Variants in WDR88 observed in about 807,000 individuals in gnomAD.
WDR88 encodes the protein WD repeat domain 88, also known as WD repeat-containing protein 88.
Under a neutral mutation model 46.8 loss-of-function variants are expected in WDR88, and 40 were observed. The observed-to-expected ratio is 0.86, with a 90% CI of 0.66 to 1.11. The LOEUF (loss-of-function observed/expected upper bound fraction) is 1.11. Among genes scored for constraint, WDR88 ranks in the 50% most tolerant of loss-of-function variants. The pLI, the probability that WDR88 is intolerant of heterozygous loss-of-function variation, is 0.00. For synonymous variants in WDR88, 235 were observed against 240.7 expected, an observed-to-expected ratio of 0.98 and a Z score of 0.22; for missense variants, 562 against 602.4, an observed-to-expected ratio of 0.93 and a Z score of 0.70.
At chr19:33,160,294 G>T in intron 7 of WDR88, 120 bp from the exon 8 acceptor site, 1 of 943,244 alleles carries the variant, frequency 1.1e-6, no homozygotes, top group South Asian at 1.3e-5. Context: ...TCCAGGAAGG[G>T]GTTTCAGTGT....
chr19:33,161,191 CA>C (rs1205568590), intron 8 of WDR88, among the ~76,000 whole-genome samples: 2 of 151,954 alleles, frequency 1.3e-5, no homozygotes, highest in East Asian at 3.9e-4. Flanking sequence ...CAAAACAAAA[CA>C]AAAAACAGAA....
chr19:33,153,082 G>A (rs968673133), intron 6 of WDR88, among the ~76,000 whole-genome samples: 6 of 151,884 alleles, frequency 4.0e-5, no homozygotes, highest in African/African-American at 1.5e-4. Context: ...ACAGAGTCTT[G>A]CTCTGTTGCC....
Position 33,172,347 on chromosome 19 carries a change from G to A in WDR88, c.1150-1G>A. On this transcript the variant is annotated splice_acceptor_variant, in intron 9 of 10. Transcript: ENST00000355868. LOFTEE classifies it high-confidence loss of function. ...GACCGCTGGTTTGCTATTTGTTTTAGGATAGGACCATGAGACTGTGGAATA... is the reference window on the plus strand; with the variant it reads ...GACCGCTGGTTTGCTATTTGTTTTAAGATAGGACCATGAGACTGTGGAATA... 5 of 1,612,754 alleles carry A rather than the reference G, an allele frequency of 3.1e-6. No homozygotes were observed. The highest frequency in any genetic ancestry group is 4.2e-6 in the Non-Finnish European group (5 of 1,179,378).
At chr19:33,141,469 G>A (rs552346203) in intron 2 of WDR88, among the ~76,000 whole-genome samples, 2 of 152,028 alleles carry the variant, frequency 1.3e-5, no homozygotes, top group South Asian at 2.1e-4. Flanking sequence ...GCCTCAAGCC[G>A]TCCTTCCTCC....
chr19:33,146,132 T>G (rs1020200298), intron 3 of WDR88, among the ~76,000 whole-genome samples: 1 of 152,062 alleles, frequency 6.6e-6, no homozygotes, highest in African/African-American at 2.4e-5. Flanking sequence ...CCCCGGTCTC[T>G]ACTAAAAATA....
At chr19:33,166,357 A>C (rs1450238275) in intron 9 of WDR88, among the ~76,000 whole-genome samples, 1 of 151,376 alleles carries the variant, frequency 6.6e-6, no homozygotes, top group Non-Finnish European at 1.5e-5. Flanking sequence ...TGGGAGGCCA[A>C]GGCAGGCAGA....
chr19:33,175,019 G>A (rs764921612), intron 10 of WDR88: 130 of 984,758 alleles, frequency 1.3e-4, no homozygotes, highest in Non-Finnish European at 1.6e-4. Flanking sequence ...TGGATCACTT[G>A]AGGCCAGGAG....
Position 33,147,715 on chromosome 19 carries a change from A to C in WDR88, c.540+7A>C, listed in dbSNP as rs375967910. 9 of 1,613,572 alleles carry C rather than the reference A, an allele frequency of 5.6e-6. No homozygotes were observed. The highest frequency in any genetic ancestry group is 7.6e-6 in the Non-Finnish European group (9 of 1,179,722). On this transcript the variant is annotated splice_region_variant and intron_variant, in intron 4 of 10. Coordinates refer to ENST00000355868, the MANE Select transcript of WDR88 (RefSeq NM_173479.4). ...GGAGACAGGCAAGCTGCTGGTACGT[A>C]TGCCTGTCCAGTGGGGGCGTTGGTT...
chr19:33,159,828 C>G (rs1250196304), intron 7 of WDR88, among the ~76,000 whole-genome samples: 14 of 151,914 alleles, frequency 9.2e-5, no homozygotes, highest in Non-Finnish European at 1.5e-5. Flanking sequence ...ATTATTATTA[C>G]ATTGTAATAT....
At chr19:33,170,589 G>A (rs1008010503) in intron 9 of WDR88, among the ~76,000 whole-genome samples, 2 of 151,972 alleles carry the variant, frequency 1.3e-5, no homozygotes, top group African/African-American at 4.8e-5. Context: ...GGCTGGGCAC[G>A]GTGGCTCATG....
chr19:33,150,405 C>T (rs1295361272), intron 5 of WDR88, among the ~76,000 whole-genome samples: 5 of 152,210 alleles, frequency 3.3e-5, no homozygotes, highest in South Asian at 2.1e-4. Context: ...GCCGAAATCG[C>T]GCCTCTGCGC....
intron 9 of WDR88, among the ~76,000 whole-genome samples, chr19:33,167,494 C>T (rs1277922820): frequency 6.6e-6 from 1 of 152,022 alleles, no homozygotes; most frequent in Non-Finnish European, 1.5e-5. Flanking sequence ...TTTTTCTTCC[C>T]TAAGATCAGG....
chr19:33,139,041 C>G (rs1207116084), intron 2 of WDR88, among the ~76,000 whole-genome samples: 1 of 152,154 alleles, frequency 6.6e-6, no homozygotes, highest in South Asian at 2.1e-4. Context: ...AGGATGTCAT[C>G]TCTCTGGGTC....
chr19:33,166,011 G>C (rs1973946855), intron 9 of WDR88, among the ~76,000 whole-genome samples: 1 of 152,020 alleles, frequency 6.6e-6, no homozygotes, highest in East Asian at 1.9e-4. Context: ...TGTAATCCCA[G>C]CACTTTGGGA....
intron 3 of WDR88, among the ~76,000 whole-genome samples, chr19:33,145,811 GGTGTGA>G: frequency 6.6e-6 from 1 of 152,130 alleles, no homozygotes; most frequent in Non-Finnish European, 1.5e-5. Context: ...TGGGATTACA[GGTGTGA>G]GCCACCATGC....
At chr19:33,135,442 G>A (rs1186294243) in intron 1 of WDR88, among the ~76,000 whole-genome samples, 2 of 152,082 alleles carry the variant, frequency 1.3e-5, no homozygotes, top group Admixed American at 1.3e-4. Flanking sequence ...TCTTTGAGAT[G>A]GAGTCTCGCT....
At chr19:33,166,546 G>A (rs1262301219) in intron 9 of WDR88, among the ~76,000 whole-genome samples, 3 of 151,302 alleles carry the variant, frequency 2.0e-5, no homozygotes, top group African/African-American at 7.3e-5. Flanking sequence ...GCAGCGGGCT[G>A]TGATCATGCC....
chr19:33,172,379 A>C lies in WDR88; in HGVS notation c.1181A>C (p.Glu394Ala). 1 of 1,614,096 alleles carries C rather than the reference A, an allele frequency of 6.2e-7. No homozygotes were observed. Among genetic ancestry groups the C allele is most frequent in the Non-Finnish European group, 8.5e-7 (1 of 1,179,988 alleles). Residue 394 changes from glutamate (E) to alanine (A), a missense_variant, in exon 10 of 11, where the codon GAA becomes GCA. Coordinates refer to ENST00000355868, the MANE Select transcript of WDR88 (RefSeq NM_173479.4). ...ACCATGAGACTGTGGAATATTGAAG[A>C]AATTGATGAAATTCCTTTGGTAATC... ...DRTMRLWNIE[E>A]IDEIPLVIKY...
At chr19:33,138,647 C>T (rs1486571655) in intron 2 of WDR88, among the ~76,000 whole-genome samples, 1 of 150,472 alleles carries the variant, frequency 6.6e-6, no homozygotes, top group Admixed American at 6.7e-5. Flanking sequence ...GTGCCTGGCC[C>T]CCACACCTTT....
Sources: allele counts gnomAD v4.1 joint callset (sites outside exome capture counted in the v4.1 genomes callset), GRCh38; gene constraint gnomAD v4.1.1; transcripts MANE v1.5; gene names NCBI Gene and HGNC (gene_info 2026-07-23, HGNC 2026-07-21).